Variants in GYPE observed in about 807,000 individuals in gnomAD.
GYPE encodes glycophorin E (MNS blood group).
GYPE carries 8 observed loss-of-function variants against 11.6 expected under a neutral mutation model. The ratio of observed to expected loss-of-function variants is 0.69; its 90% CI spans 0.41 to 1.25. GYPE has a LOEUF of 1.25. Ranked by LOEUF, GYPE falls within the 50% of genes most tolerant of loss-of-function variation. The pLI is 0.01. For missense variants in GYPE, 90 were observed against 92.8 expected (o/e 0.97, Z 0.12); for synonymous variants, 28 against 29.6 (o/e 0.94, Z 0.18).
intron 1 of GYPE, among the ~76,000 whole-genome samples, chr4:143,889,171 T>C (rs62338503): frequency 6.6e-6 from 1 of 150,910 alleles, no homozygotes; most frequent in Non-Finnish European, 1.5e-5. Flanking sequence ...CTCGAAGGTG[T>C]TGTGGCCTAG....
Position 143,876,839 on chromosome 4 carries a change from A to G in GYPE, c.153T>C (p.Asn51=), listed in dbSNP as rs757721425. The part of the protein sequence containing the change: ...SSQTNGITLI[N]WWAMARVIFE... The stretch of plus-strand genomic sequence containing the variant: ...AAATAACACGAGCCATCGCCCACCA[A>G]TTAATGAGTGTTATCCCTACAGGAG... Residue 51 remains asparagine, a synonymous_variant, in exon 3 of 4, where the codon AAT becomes AAC. Coordinates refer to ENST00000358615, the MANE Select transcript of GYPE (RefSeq NM_198682.3). The G allele has an allele frequency of 9.3e-6, 15 of 1,605,670 alleles. No homozygotes were observed. In the African/African-American group the frequency reaches 1.7e-4, roughly 19 times the overall value.
intron 1 of GYPE, among the ~76,000 whole-genome samples, chr4:143,894,447 A>T (rs1288178006): frequency 1.3e-5 from 2 of 151,514 alleles, no homozygotes; most frequent in Non-Finnish European, 2.9e-5. Flanking sequence ...GGTTTTATCT[A>T]CTTTTGGTCT....
intron 3 of GYPE, chr4:143,875,302 T>A: frequency 3.0e-6 from 2 of 655,942 alleles, no homozygotes; most frequent in South Asian, 4.0e-5. Flanking sequence ...ATCATGACTA[T>A]ACTACATGCA....
rs144553126 is a variant in GYPE, at chr4:143,901,641, G to GC, written c.37+3829_37+3830insG. On this transcript the variant is annotated intron_variant, in intron 1 of 3. Transcript: ENST00000358615. ...GTCAGCACCATATAAGAAGGATTGG[G>GC]TTTTTTTTTTGAGCAAAAGATATTA... is the stretch of plus-strand genomic sequence containing the variant. Among the ~76,000 whole-genome samples the GC allele has an allele frequency of 5.2e-3, 772 of 149,124 alleles. 8 individuals carry two copies. The highest frequency in any genetic ancestry group is 0.018 in the African/African-American group (733 of 40,812).
chr4:143,901,839 G>A (rs796539905), intron 1 of GYPE, among the ~76,000 whole-genome samples: 5 of 151,960 alleles, frequency 3.3e-5, no homozygotes. Context: ...AAATCACTAC[G>A]AAGTAAGTTT....
chr4:143,876,643 GCAGTTCTGTTTCTCT>G (rs1743821611), intron 3 of GYPE, 88 bp downstream of exon 3: 1 of 667,988 alleles, frequency 1.5e-6, no homozygotes, highest in African/African-American at 1.8e-5. Flanking sequence ...GGAATTTTAT[GCAGTTCTGTTTCTCT>G]TTTGAGTTTA....
At chr4:143,897,299 A>G (rs1388586910) in intron 1 of GYPE, among the ~76,000 whole-genome samples, 1 of 152,084 alleles carries the variant, frequency 6.6e-6, no homozygotes, top group East Asian at 1.9e-4. Flanking sequence ...CCCCGTATTT[A>G]CAAATTAAAT....
At chr4:143,903,524 C>CA (rs11400558) in intron 1 of GYPE, among the ~76,000 whole-genome samples, 54,643 of 98,966 alleles carry the variant, frequency 0.55, 15,065 homozygotes, top group East Asian at 0.7. Flanking sequence ...TTTTTCATAG[C>CA]AAAAAAAAAA....
At chr4:143,883,253 C>T (rs1298589199) in intron 1 of GYPE, among the ~76,000 whole-genome samples, 2 of 152,030 alleles carry the variant, frequency 1.3e-5, no homozygotes, top group African/African-American at 2.4e-5. Flanking sequence ...GCATGTAAGA[C>T]GTGCCTACTT....
chr4:143,870,929 T>C lies in GYPE; in HGVS notation c.*1333A>G, dbSNP rs555214090. 6.6e-6 allele frequency: 1 copy of C among 152,238 alleles called. No individual in the cohort carries two copies. The highest frequency in any genetic ancestry group is 1.9e-4 in the East Asian group (1 of 5,180). 9.4% of individuals were successfully genotyped at this position (152,238 alleles called of 1,614,324 possible). On this transcript the variant is annotated 3_prime_UTR_variant, in exon 4 of 4. Coordinates refer to ENST00000358615, the MANE Select transcript of GYPE (RefSeq NM_198682.3). The stretch of plus-strand genomic sequence containing the variant: ...TTGCATGGCTGGGAAGGTCTCAGGA[T>C]ACTTACAATCATGACCAAAGGGGAA...
chr4:143,873,393 A>G (rs1189508505), intron 3 of GYPE: 1 of 453,842 alleles, frequency 2.2e-6, no homozygotes, highest in Admixed American at 2.4e-5. Flanking sequence ...CTGAACCTTC[A>G]GTTTTATCCA....
intron 2 of GYPE, among the ~76,000 whole-genome samples, chr4:143,880,120 C>T (rs544508604): frequency 1.3e-5 from 2 of 152,340 alleles, no homozygotes; most frequent in African/African-American, 2.4e-5. Flanking sequence ...TCCGCACCAC[C>T]GCACTATTAG....
rs957672313 is a variant in GYPE, at chr4:143,871,496, A to T, written c.*766T>A. 6.6e-6 allele frequency: 1 copy of T among 152,150 alleles called. No homozygotes were observed. The highest frequency in any genetic ancestry group is 2.4e-5 in the African/African-American group (1 of 41,434). The allele number at this position is 152,150 out of a possible 1,614,324, so 9.4% of individuals were successfully genotyped here. ...TCTTTGCAGGGCTATGTTAGGCTTTACACAATGTGACCCTCTAGTCTGTAC... is the reference window on the plus strand; with the variant it reads ...TCTTTGCAGGGCTATGTTAGGCTTTTCACAATGTGACCCTCTAGTCTGTAC... On this transcript the variant is annotated 3_prime_UTR_variant, in exon 4 of 4. Coordinates refer to ENST00000358615, the MANE Select transcript of GYPE (RefSeq NM_198682.3).
intron 1 of GYPE, among the ~76,000 whole-genome samples, chr4:143,890,111 G>A (rs1284022273): frequency 5.9e-5 from 9 of 152,192 alleles, no homozygotes; most frequent in Non-Finnish European, 8.8e-5. Flanking sequence ...ATATAAAGAT[G>A]ATAATTCACC....
chr4:143,900,073 A>G (rs1744803340), intron 1 of GYPE, among the ~76,000 whole-genome samples: 1 of 150,946 alleles, frequency 6.6e-6, no homozygotes, highest in Non-Finnish European at 1.5e-5. Context: ...TCCAGAACAT[A>G]GAAAGAACTC....
intron 1 of GYPE, among the ~76,000 whole-genome samples, chr4:143,896,804 A>G (rs1744664444): frequency 1.3e-5 from 2 of 152,212 alleles, no homozygotes; most frequent in South Asian, 4.1e-4. Context: ...TGGCACATAT[A>G]CACCATGGAA....
Position 143,871,640 on chromosome 4 carries a change from C to G in GYPE, c.*622G>C, listed in dbSNP as rs1364020209. On this transcript the variant is annotated 3_prime_UTR_variant, in exon 4 of 4. Transcript: ENST00000358615. The stretch of plus-strand genomic sequence containing the variant: ...TAATGAAGAAAAGGAGAAGGATGCA[C>G]TTCATTCTTAGAATCTAAGCAGGAA... The G allele has an allele frequency of 6.6e-6, 1 of 152,100 alleles. No homozygotes were observed. The highest frequency in any genetic ancestry group is 6.6e-5 in the Admixed American group (1 of 15,262). The allele number at this position is 152,100 out of a possible 1,614,324, so 9.4% of individuals were successfully genotyped here. A position where few individuals can be genotyped will look rare whatever the true frequency, so the allele number is the denominator to read the frequency against.
intron 1 of GYPE, among the ~76,000 whole-genome samples, chr4:143,895,575 T>C (rs1744596572): frequency 6.7e-6 from 1 of 149,600 alleles, no homozygotes; most frequent in Non-Finnish European, 1.5e-5. Context: ...AAAATGGCCA[T>C]ACTGCCCAAG....
chr4:143,891,891 G>A (rs1744420064), intron 1 of GYPE, among the ~76,000 whole-genome samples: 1 of 152,078 alleles, frequency 6.6e-6, no homozygotes, highest in Non-Finnish European at 1.5e-5. Flanking sequence ...AAAAATTTAA[G>A]TTCCTCCTTG....
Sources: gnomAD v4.1 joint callset for allele counts (sites outside exome capture counted in the v4.1 genomes callset) on GRCh38, gnomAD v4.1.1 for gene constraint, MANE v1.5 for transcripts, NCBI Gene and HGNC (gene_info 2026-07-23, HGNC 2026-07-21) for gene names.